GARRE1: variants seen among roughly 807,000 people sequenced by gnomAD.
GARRE1 encodes granule associated Rac and RHOG effector 1.
GARRE1 carries 49 observed loss-of-function variants against 103.2 expected under a neutral mutation model. The observed-to-expected ratio is 0.47, with a 90% CI of 0.38 to 0.60. The LOEUF is 0.60. GARRE1 is among the 20% of genes least tolerant of loss of function. The probability of loss-of-function intolerance (pLI) is 0.00; values close to 1 mark genes in which losing one functional copy is unlikely to be tolerated. For missense variants in GARRE1, 1,199 were observed against 1,370.5 expected (o/e 0.87, Z 1.98); for synonymous variants, 505 against 532.8 (o/e 0.95, Z 0.72).
intron 8 of GARRE1, among the ~76,000 whole-genome samples, chr19:34,334,055 A>G (rs2074149855): frequency 6.6e-6 from 1 of 152,348 alleles, no homozygotes; most frequent in Non-Finnish European, 1.5e-5. Context: ...CTCTTGGATC[A>G]TAATGAGCAG....
chr19:34,263,842 GT>G (rs1215453788), intron 1 of GARRE1, among the ~76,000 whole-genome samples: 1 of 152,200 alleles, frequency 6.6e-6, no homozygotes, highest in Non-Finnish European at 1.5e-5. Context: ...GGACATGGCT[GT>G]TGTGTAGAGT....
chr19:34,314,205 T>C (rs965765219), intron 2 of GARRE1, among the ~76,000 whole-genome samples: 8 of 152,180 alleles, frequency 5.3e-5, no homozygotes, highest in East Asian at 1.9e-4. Flanking sequence ...TTTGTAATTA[T>C]TATTATTAGG....
At chr19:34,286,603 G>A (rs1364891666) in intron 1 of GARRE1, among the ~76,000 whole-genome samples, 4 of 150,446 alleles carry the variant, frequency 2.7e-5, no homozygotes, top group Admixed American at 1.3e-4. Flanking sequence ...CCGGGATCAC[G>A]CCATTCTCCT....
chr19:34,310,425 T>G (rs2145250995), intron 2 of GARRE1, among the ~76,000 whole-genome samples: 1 of 152,352 alleles, frequency 6.6e-6, no homozygotes, highest in East Asian at 1.9e-4. Flanking sequence ...GAGGGGCTTG[T>G]TGGCAGAGGC....
At chr19:34,309,177 C>T (rs959711151) in intron 2 of GARRE1, among the ~76,000 whole-genome samples, 1 of 151,868 alleles carries the variant, frequency 6.6e-6, no homozygotes, top group Admixed American at 6.6e-5. Context: ...TGCAATACCA[C>T]GAGAAGGCAA....
rs747209960 is a variant in GARRE1 at position 34,341,801 on chromosome 19, C to G, written c.1867C>G (p.Arg623Gly). The stretch of plus-strand genomic sequence containing the variant: ...GGCCAATGGCTTTCTCATGGAGAGG[C>G]GTGAGAACTTCCTGCATGGAGATGA... The part of the protein sequence containing the change: ...TVANGFLMER[R>G]ENFLHGDDGK... The change falls in exon 10 of 14, where the codon CGT (arginine) becomes GGT (glycine). Residue 623 changes from arginine to glycine, a missense_variant. Physicochemically the swap from Arg to Gly is moderately radical, Grantham distance 125. Coordinates refer to ENST00000299505, the MANE Select transcript of GARRE1 (RefSeq NM_014686.5). 1.2e-6 allele frequency: 2 copies of G among 1,614,144 alleles called. No individual in the cohort carries two copies. Among genetic ancestry groups the G allele is most frequent in the Non-Finnish European group, 1.7e-6 (2 of 1,180,024 alleles).
chr19:34,267,309 C>G (rs1447831640), intron 1 of GARRE1, among the ~76,000 whole-genome samples: 1 of 152,152 alleles, frequency 6.6e-6, no homozygotes, highest in Non-Finnish European at 1.5e-5. Context: ...AACCATCCTC[C>G]TACCTCAGCC....
intron 8 of GARRE1, among the ~76,000 whole-genome samples, chr19:34,335,565 G>T (rs1183918504): frequency 6.6e-6 from 1 of 152,076 alleles, no homozygotes; most frequent in Non-Finnish European, 1.5e-5. Flanking sequence ...TCGGTCTGTC[G>T]CCCAGGCTGG....
chr19:34,284,127 C>CTTTTT (rs10608784), intron 1 of GARRE1, among the ~76,000 whole-genome samples: 14 of 73,416 alleles, frequency 1.9e-4, no homozygotes, highest in East Asian at 7.6e-4. Context: ...GCCCGGCTTT[C>CTTTTT]TTTTTTTTTT....
chr19:34,355,454 C>T lies in GARRE1; in HGVS notation c.*2499C>T, dbSNP rs980734913. 1 of 152,666 alleles carries T rather than the reference C, an allele frequency of 6.6e-6. No homozygotes were observed. Among genetic ancestry groups the T allele is most frequent in the African/African-American group, 2.4e-5 (1 of 41,456 alleles). 9.5% of individuals were successfully genotyped at this position (152,666 alleles called of 1,614,324 possible). ...GTGCCTTGCTAGGGCATCAGCAGGA[C>T]ATTGTGTGTATAGTTACAATGCTTC... On this transcript the variant is annotated 3_prime_UTR_variant, in exon 14 of 14. Coordinates refer to ENST00000299505, the MANE Select transcript of GARRE1 (RefSeq NM_014686.5).
At chr19:34,272,256 C>T (rs1420227099) in intron 1 of GARRE1, among the ~76,000 whole-genome samples, 1 of 152,178 alleles carries the variant, frequency 6.6e-6, no homozygotes. Context: ...CTCTGTTGCC[C>T]AGGCTGGAGT....
At chr19:34,322,035 C>T (rs10402497) in intron 3 of GARRE1, among the ~76,000 whole-genome samples, 14,715 of 152,084 alleles carry the variant, frequency 0.097, 1,129 homozygotes, top group African/African-American at 0.2. Flanking sequence ...TCTAGCCTAG[C>T]GCAGGGTTGC....
At chr19:34,330,095 T>C (rs543980407) in intron 6 of GARRE1, 94 bp from the exon 7 acceptor site, 1 of 1,111,430 alleles carries the variant, frequency 9.0e-7, no homozygotes, top group Non-Finnish European at 1.3e-6. Flanking sequence ...AATGCTCTTC[T>C]CTTGAGGATG....
At chr19:34,319,014 C>CAA (rs35793838) in intron 2 of GARRE1, among the ~76,000 whole-genome samples, 106 of 148,870 alleles carry the variant, frequency 7.1e-4, no homozygotes, top group Admixed American at 1.1e-3. Context: ...GACTCCATTT[C>CAA]AAAAAAAAAA....
At chr19:34,305,355 G>C (rs2074002911) in intron 2 of GARRE1, among the ~76,000 whole-genome samples, 2 of 152,132 alleles carry the variant, frequency 1.3e-5, no homozygotes, top group South Asian at 4.1e-4. Flanking sequence ...GCTTGATAGA[G>C]ATATGGCAAG....
chr19:34,257,436 C>T (rs1282500207), intron 1 of GARRE1, among the ~76,000 whole-genome samples: 3 of 152,062 alleles, frequency 2.0e-5, no homozygotes, highest in African/African-American at 7.2e-5. Context: ...CTCCCAGGTT[C>T]AAGCAATTCT....
chr19:34,289,398 C>T (rs1429935263), intron 1 of GARRE1, among the ~76,000 whole-genome samples: 1 of 151,772 alleles, frequency 6.6e-6, no homozygotes, highest in Non-Finnish European at 1.5e-5. Context: ...GCCAGGATCT[C>T]ACCTCTGCAC....
In GARRE1 at chr19:34,353,240, A is replaced by C; in HGVS notation, c.*285A>C. 2.3e-6 allele frequency: 1 copy of C among 433,640 alleles called. No homozygotes were observed. Among genetic ancestry groups the C allele is most frequent in the South Asian group, 6.7e-5 (1 of 14,994 alleles). 26.9% of individuals were successfully genotyped at this position (433,640 alleles called of 1,614,324 possible). On this transcript the variant is annotated 3_prime_UTR_variant, in exon 14 of 14. Transcript: ENST00000299505. The stretch of plus-strand genomic sequence containing the variant: ...GCATGCCTAGTAAGCGCCACAGGTG[A>C]CTCTGATGCAGGCGCCACAGCCACA...
chr19:34,350,803 G>A (rs572471813), intron 12 of GARRE1, among the ~76,000 whole-genome samples: 3 of 151,648 alleles, frequency 2.0e-5, no homozygotes, highest in Admixed American at 2.0e-4. Context: ...GGATGGTCTT[G>A]ATCTCCTGAC....
Sources: gnomAD v4.1 joint callset for allele counts (sites outside exome capture counted in the v4.1 genomes callset) on GRCh38, gnomAD v4.1.1 for gene constraint, MANE v1.5 for transcripts, NCBI Gene and HGNC (gene_info 2026-07-23, HGNC 2026-07-21) for gene names.